SIDT2: variants seen among roughly 807,000 people sequenced by gnomAD.
The protein encoded by SIDT2 is SID1 transmembrane family, member 2.
In SIDT2, 68 loss-of-function variants were observed where a neutral mutation model predicts 114.4. The observed-to-expected ratio is 0.59, with a 90% CI of 0.49 to 0.73. The LOEUF is 0.73. Ranked by LOEUF, SIDT2 falls within the 30% of genes least tolerant of loss-of-function variation. SIDT2 has a pLI of 0.00. For synonymous variants in SIDT2, 470 were observed against 438.4 expected, an observed-to-expected ratio of 1.07 and a Z score of -0.90; for missense variants, 918 against 1,097.1, an observed-to-expected ratio of 0.84 and a Z score of 2.31.
rs2030535455 is a variant in SIDT2, at chr11:117,187,335, C to T, written c.1016-43C>T. 2.5e-6 allele frequency: 4 copies of T among 1,581,532 alleles called. No homozygotes were observed. In the African/African-American group the frequency reaches 5.4e-5, roughly 21 times the overall value. Reference sequence around the variant, plus strand: ...TGTTCTTCTCCCTGGCTCTAGGCCTCTCTCTTCGTCCAGTGCTAACAGACC... The same window carrying T: ...TGTTCTTCTCCCTGGCTCTAGGCCTTTCTCTTCGTCCAGTGCTAACAGACC... On this transcript the variant is annotated intron_variant, in intron 10 of 25. Coordinates refer to ENST00000324225, the MANE Select transcript of SIDT2 (RefSeq NM_001040455.2).
In SIDT2 at chr11:117,190,942, A is replaced by G; in HGVS notation, c.1735+202A>G. ...TTCATTCATCTGTCAAGCTATTCCTATGTAAAGGCATGTGCCGCAGTGAAG... is the reference window on the plus strand; with the variant it reads ...TTCATTCATCTGTCAAGCTATTCCTGTGTAAAGGCATGTGCCGCAGTGAAG... On this transcript the variant is annotated intron_variant, in intron 18 of 25. Transcript: ENST00000324225. This position sits in a 1 kb window ranked among gnomAD's most constrained non-coding sequence, Gnocchi z 4.1. 1.8e-6 allele frequency: 1 copy of G among 551,696 alleles called. No individual in the cohort carries two copies. The highest frequency in any genetic ancestry group is 2.3e-5 in the South Asian group (1 of 43,932). The allele number at this position is 551,696 out of a possible 1,614,324, so 34.2% of individuals were successfully genotyped here.
chr11:117,187,990 T>G (rs1292828498), intron 12 of SIDT2: 1 of 625,260 alleles, frequency 1.6e-6, no homozygotes. Flanking sequence ...GTTTTGCCAA[T>G]CAGTGCCTGC....
Position 117,181,867 on chromosome 11 carries a change from G to A in SIDT2, c.366G>A (p.Lys122=), listed in dbSNP as rs1316900012. The change falls in exon 3 of 26, where the codon AAG becomes AAA. Residue 122 remains lysine (K), a synonymous_variant. Transcript: ENST00000324225. ...GAACCCTGTGTCAGCCCCCCACCAA[G>A]AATGAGTCGGAGATTCAGTTCTTCT... is the stretch of plus-strand genomic sequence containing the variant. ...VERTLCQPPT[K]NESEIQFFYV... 2 of 1,614,212 alleles carry A rather than the reference G, an allele frequency of 1.2e-6. No homozygotes were observed. Among genetic ancestry groups the A allele is most frequent in the Non-Finnish European group, 1.7e-6 (2 of 1,180,040 alleles).
At chr11:117,181,631 T>A in intron 2 of SIDT2, 94 bp downstream of exon 2, 3 of 1,591,564 alleles carry the variant, frequency 1.9e-6, no homozygotes, top group Non-Finnish European at 2.6e-6. Context: ...TCCTCCCCTT[T>A]CCCTGGGCTG....
At position 117,192,193 on chromosome 11, in the gene SIDT2, T is replaced by C; in HGVS notation, c.1873-61T>C. The stretch of plus-strand genomic sequence containing the variant: ...GCTGAGCAGCCAGCCCCAGGAAGGG[T>C]GGGCCATCCGAGCCACTTCCCTCTC... On this transcript the variant is annotated intron_variant, in intron 19 of 25. Coordinates refer to ENST00000324225, the MANE Select transcript of SIDT2 (RefSeq NM_001040455.2). The surrounding 1 kb of genome is among the most constrained non-coding windows in gnomAD (Gnocchi z 5.9). 1 of 1,473,704 alleles carries C rather than the reference T, an allele frequency of 6.8e-7. No individual in the cohort carries two copies. The highest frequency in any genetic ancestry group is 1.4e-5 in the African/African-American group (1 of 72,140). 91.3% of individuals were successfully genotyped at this position (1,473,704 alleles called of 1,614,324 possible). A position where few individuals can be genotyped will look rare whatever the true frequency, so the allele number is the denominator to read the frequency against.
chr11:117,190,277 C>G lies in SIDT2; in HGVS notation c.1605C>G (p.Asp535Glu), dbSNP rs746599638. ...ACAACCGGGCCCTGCTGCGCAATGA[C>G]CTCTGTGCCCTGGTAAGGGAGCACC... ...INHNRALLRN[D>E]LCALECGIPK... Residue 535 changes from aspartate (D) to glutamate (E), a missense_variant, in exon 17 of 26, where the codon GAC becomes GAG. By Grantham distance (45) the Asp-to-Glu change is conservative. Coordinates refer to ENST00000324225, the MANE Select transcript of SIDT2 (RefSeq NM_001040455.2). This position sits in a 1 kb window ranked among gnomAD's most constrained non-coding sequence, Gnocchi z 4.1. 1.2e-5 allele frequency: 19 copies of G among 1,541,050 alleles called. No homozygotes were observed. The highest frequency in any genetic ancestry group is 1.5e-5 in the Non-Finnish European group (17 of 1,145,580).
rs1243887586 is a variant in SIDT2, at chr11:117,197,061, C to T, written c.*995C>T. The stretch of plus-strand genomic sequence containing the variant: ...GCTGTTTCCCTCTACGTGCCCAGTC[C>T]TAGCCTCGCTCTAGGACCCAGGGCT... On this transcript the variant is annotated 3_prime_UTR_variant, in exon 26 of 26. Transcript: ENST00000324225. 1 of 152,524 alleles carries T rather than the reference C, an allele frequency of 6.6e-6. No individual in the cohort carries two copies. The highest frequency in any genetic ancestry group is 1.5e-5 in the Non-Finnish European group (1 of 68,104). The allele number at this position is 152,524 out of a possible 1,614,324, so 9.4% of individuals were successfully genotyped here.
chr11:117,185,328 G>C (rs1034523780), intron 8 of SIDT2, among the ~76,000 whole-genome samples: 3 of 151,828 alleles, frequency 2.0e-5, no homozygotes, highest in Non-Finnish European at 4.4e-5. Context: ...GATTACAGGC[G>C]TGAGCCACCG....
rs2134245358 is a variant in SIDT2 at position 117,179,304 on chromosome 11, C to T, written c.41C>T (p.Ala14Val). Residue 14 changes from alanine to valine, a missense_variant, in exon 1 of 26, where the codon GCC (alanine) becomes GTC (valine). Transcript: ENST00000324225. Reference protein sequence around the residue: ...LGLPFLVLLVASVESHLGVLG... With the variant: ...LGLPFLVLLVVSVESHLGVLG... ...TTGCCCTTCTTGGTGCTCTTGGTGG[C>T]CTCGGTCGAGAGCCATCTGGGGGTT... 6.2e-7 allele frequency: 1 copy of T among 1,614,040 alleles called. No homozygotes were observed. Among genetic ancestry groups the T allele is most frequent in the East Asian group, 2.2e-5 (1 of 44,878 alleles).
intron 4 of SIDT2, 26 bp from the exon 5 acceptor site, chr11:117,182,493 C>T: frequency 3.1e-6 from 5 of 1,594,732 alleles, no homozygotes; most frequent in Non-Finnish European, 4.3e-6. Context: ...TGAGATGGGG[C>T]TCTCCCTTCC....
In SIDT2 at chr11:117,181,870, T is replaced by C; in HGVS notation, c.369T>C (p.Asn123=). The change falls in exon 3 of 26, where the codon AAT becomes AAC. Residue 123 remains asparagine (N), a synonymous_variant. Transcript: ENST00000324225. ...ERTLCQPPTK[N]ESEIQFFYVD... ...CCCTGTGTCAGCCCCCCACCAAGAA[T>C]GAGTCGGAGATTCAGTTCTTCTACG... 2.5e-6 allele frequency: 4 copies of C among 1,614,102 alleles called. No homozygotes were observed. Among genetic ancestry groups the C allele is most frequent in the Non-Finnish European group, 3.4e-6 (4 of 1,180,000 alleles).
In SIDT2 at chr11:117,192,935, T is replaced by C. The variant is rs1591772033; in HGVS notation, c.2105+69T>C. Reference sequence around the variant, plus strand: ...GGGACTCGGTCAGCCACTGGCTGCCTTGGGGGCTAAGGACAACTTCCAAAT... The same window carrying C: ...GGGACTCGGTCAGCCACTGGCTGCCCTGGGGGCTAAGGACAACTTCCAAAT... On this transcript the variant is annotated intron_variant, in intron 22 of 25. Transcript: ENST00000324225. This position sits in a 1 kb window ranked among gnomAD's most constrained non-coding sequence, Gnocchi z 5.9. The C allele has an allele frequency of 6.3e-7, 1 of 1,593,616 alleles. No individual in the cohort carries two copies. The highest frequency in any genetic ancestry group is 2.2e-5 in the East Asian group (1 of 44,758).
At position 117,183,763 on chromosome 11, in the gene SIDT2, C is replaced by T; in HGVS notation, c.703-16C>T. 1.3e-6 allele frequency: 2 copies of T among 1,547,310 alleles called. No homozygotes were observed. Among genetic ancestry groups the T allele is most frequent in the Non-Finnish European group, 8.9e-7 (1 of 1,120,286 alleles). On this transcript the variant is annotated splice_polypyrimidine_tract_variant and intron_variant, in intron 6 of 25. Coordinates refer to ENST00000324225, the MANE Select transcript of SIDT2 (RefSeq NM_001040455.2). ...TGATGATGATGAAGAAGATATTTAT[C>T]ATCATCATCCTGCAGCGCAAAGACT...
Position 117,190,236 on chromosome 11 carries a change from C to A in SIDT2, c.1564C>A (p.Gln522Lys), listed in dbSNP as rs751733606. Reference sequence around the variant, plus strand: ...GCTGCTTTTCCTGCTCATCATCCTGCAACGGGAGATCAACCACAACCGGGC... The same window carrying A: ...GCTGCTTTTCCTGCTCATCATCCTGAAACGGGAGATCAACCACAACCGGGC... ...LGLLFLLIILQREINHNRALL... is the reference protein window; with the variant it reads ...LGLLFLLIILKREINHNRALL... Residue 522 changes from glutamine (Q) to lysine (K), a missense_variant, in exon 17 of 26, where the codon CAA becomes AAA. By Grantham distance (53) the Gln-to-Lys change is moderately conservative. Coordinates refer to ENST00000324225, the MANE Select transcript of SIDT2 (RefSeq NM_001040455.2). The surrounding 1 kb of genome is among the most constrained non-coding windows in gnomAD (Gnocchi z 4.1). 3 of 1,576,002 alleles carry A rather than the reference C, an allele frequency of 1.9e-6. No individual in the cohort carries two copies. Among genetic ancestry groups the A allele is most frequent in the Non-Finnish European group, 2.6e-6 (3 of 1,161,750 alleles).
Position 117,186,155 on chromosome 11 carries a change from C to G in SIDT2, c.894C>G (p.Leu298=). ...VTSEAYVSGM[L]FCLGIFLSFY... ...CTGAGGCATACGTCAGTGGGATGCT[C>G]TTTTGCCTGGGTATATTTCTCTCCT... Residue 298 remains leucine (L), a synonymous_variant, in exon 9 of 26, where the codon CTC becomes CTG. Transcript: ENST00000324225. 6.2e-7 allele frequency: 1 copy of G among 1,614,100 alleles called. No homozygotes were observed. The highest frequency in any genetic ancestry group is 8.5e-7 in the Non-Finnish European group (1 of 1,180,020).
In SIDT2 at chr11:117,188,336, C is replaced by A. The variant is rs1318713810; in HGVS notation, c.1160-372C>A. On this transcript the variant is annotated intron_variant, in intron 12 of 25. Transcript: ENST00000324225. The surrounding 1 kb of genome is among the most constrained non-coding windows in gnomAD (Gnocchi z 4.0). ...AGCCAAGGCAGTGTCTTCTCAGAACCCACAGGGCTGGGCACCCTTGAATCA... is the reference window on the plus strand; with the variant it reads ...AGCCAAGGCAGTGTCTTCTCAGAACACACAGGGCTGGGCACCCTTGAATCA... 2.4e-5 allele frequency: 8 copies of A among 331,038 alleles called. No individual in the cohort carries two copies. In the Admixed American group the frequency reaches 3.5e-4, roughly 14 times the overall value. The allele number at this position is 331,038 out of a possible 1,614,324, so 20.5% of individuals were successfully genotyped here.
intron 12 of SIDT2, 57 bp downstream of exon 12, chr11:117,187,756 A>G: frequency 6.4e-7 from 1 of 1,559,840 alleles, no homozygotes. Context: ...GTCTGGGTAA[A>G]ATGTCACGGT....
chr11:117,187,473 G>C (rs760061534), intron 11 of SIDT2, 24 bp downstream of exon 11: 14 of 1,611,342 alleles, frequency 8.7e-6, no homozygotes, highest in Non-Finnish European at 3.4e-6. Flanking sequence ...CCAGCACCGT[G>C]CTTGCTGGGG....
intron 8 of SIDT2, among the ~76,000 whole-genome samples, chr11:117,185,047 C>G (rs1035546456): frequency 2.1e-5 from 3 of 144,986 alleles, no homozygotes; most frequent in African/African-American, 7.7e-5. Context: ...CTCTCTCTCT[C>G]TCTTTTTTTT....
Sources: gnomAD v4.1 joint callset for allele counts (sites outside exome capture counted in the v4.1 genomes callset) on GRCh38, gnomAD v4.1.1 for gene constraint, Gnocchi (gnomAD v3.1) non-coding constraint, MANE v1.5 for transcripts, NCBI Gene and HGNC (gene_info 2026-07-23, HGNC 2026-07-21) for gene names.